CDH20: variants seen among roughly 807,000 people sequenced by gnomAD.
The protein encoded by CDH20 is cadherin-20.
Under a neutral mutation model 74.2 loss-of-function variants are expected in CDH20, and 29 were observed. The observed-to-expected ratio is 0.39, with a 90% CI of 0.29 to 0.53. The LOEUF is 0.53. CDH20 is among the 20% of genes least tolerant of loss of function. The probability of loss-of-function intolerance (pLI) is 0.69; values close to 1 mark genes in which losing one functional copy is unlikely to be tolerated. For synonymous variants in CDH20, 469 were observed against 405.4 expected (o/e 1.16, Z -1.88); for missense variants, 988 against 1,048.3 (o/e 0.94, Z 0.79).
chr18:61,498,442 T>C (rs1375556579), intron 2 of CDH20, among the ~76,000 whole-genome samples: 1 of 150,558 alleles, frequency 6.6e-6, no homozygotes, highest in Non-Finnish European at 1.5e-5. Context: ...AGAGCAAATA[T>C]AGCTGCATGG....
chr18:61,420,527 C>A (rs573144543), intron 1 of CDH20, among the ~76,000 whole-genome samples: 96 of 152,248 alleles, frequency 6.3e-4, no homozygotes, highest in African/African-American at 2.3e-3. Flanking sequence ...AAATTAGTAA[C>A]CTAAACACTA....
intron 1 of CDH20, among the ~76,000 whole-genome samples, chr18:61,409,448 G>C (rs1456933176): frequency 6.6e-6 from 1 of 152,048 alleles, no homozygotes; most frequent in Admixed American, 6.6e-5. Context: ...CCTTCGATGG[G>C]GACATTTGGA....
chr18:61,354,915 T>C (rs947667709), intron 1 of CDH20, among the ~76,000 whole-genome samples: 1 of 152,234 alleles, frequency 6.6e-6, no homozygotes, highest in African/African-American at 2.4e-5. Context: ...GGTGACTATA[T>C]AATTTGTCAT....
chr18:61,392,770 C>CT, intron 1 of CDH20, among the ~76,000 whole-genome samples: 1 of 139,452 alleles, frequency 7.2e-6, no homozygotes, highest in South Asian at 2.3e-4. Context: ...GCTATAAGAA[C>CT]TTTTTAATTA....
intron 6 of CDH20, among the ~76,000 whole-genome samples, chr18:61,517,338 G>T (rs1480612721): frequency 6.6e-6 from 1 of 152,216 alleles, no homozygotes; most frequent in Admixed American, 6.5e-5. Context: ...AGCTCCCAGT[G>T]AGATCAATGC....
chr18:61,363,152 T>G (rs1663549005), intron 1 of CDH20, among the ~76,000 whole-genome samples: 1 of 152,170 alleles, frequency 6.6e-6, no homozygotes, highest in South Asian at 2.1e-4. Context: ...AAGAAGATAT[T>G]TGATCTTCTC....
chr18:61,446,873 C>T (rs558696416), intron 1 of CDH20, among the ~76,000 whole-genome samples: 136 of 152,282 alleles, frequency 8.9e-4, no homozygotes, highest in African/African-American at 3.1e-3. Context: ...TGTAAACACA[C>T]GAGGATTGGT....
chr18:61,548,671 C>T (rs1913332395), intron 10 of CDH20, among the ~76,000 whole-genome samples: 1 of 152,230 alleles, frequency 6.6e-6, no homozygotes, highest in Non-Finnish European at 1.5e-5. Context: ...ATACAGCCTG[C>T]TGTGGGTCTG....
chr18:61,501,201 G>A (rs1053757031), intron 4 of CDH20, among the ~76,000 whole-genome samples: 2 of 152,234 alleles, frequency 1.3e-5, no homozygotes, highest in East Asian at 1.9e-4. Context: ...GGAGCAATGC[G>A]GCAGAAAAGA....
chr18:61,554,287 C>G lies in CDH20; in HGVS notation c.1998C>G (p.Asp666Glu), dbSNP rs768110003. Reference sequence around the variant, plus strand: ...TCCACGAGAACATCGTCCGCTACGACGACGAGGGCGGCGGCGAGGAGGACA... The same window carrying G: ...TCCACGAGAACATCGTCCGCTACGAGGACGAGGGCGGCGGCGAGGAGGACA... ...ENIHENIVRYDDEGGGEEDTE... is the reference protein window; with the variant it reads ...ENIHENIVRYEDEGGGEEDTE... Residue 666 changes from aspartate (D) to glutamate (E), a missense_variant, in exon 12 of 12, where the codon GAC becomes GAG. Around this residue, in one of 2 missense-constraint regions of CDH20, gnomAD observed 375 missense variants for 293.1 expected, o/e 1.28. Coordinates refer to ENST00000262717, the MANE Select transcript of CDH20 (RefSeq NM_031891.4). The G allele has an allele frequency of 6.2e-7, 1 of 1,613,850 alleles. No homozygotes were observed. Among genetic ancestry groups the G allele is most frequent in the Non-Finnish European group, 8.5e-7 (1 of 1,180,018 alleles).
chr18:61,466,007 C>G (rs1909948703), intron 1 of CDH20, among the ~76,000 whole-genome samples: 1 of 151,518 alleles, frequency 6.6e-6, no homozygotes, highest in Non-Finnish European at 1.5e-5. Flanking sequence ...CTGCAGTGAG[C>G]CATGATTGTG....
At chr18:61,496,658 G>C (rs771093525) in intron 2 of CDH20, among the ~76,000 whole-genome samples, 7 of 152,172 alleles carry the variant, frequency 4.6e-5, no homozygotes, top group Non-Finnish European at 1.0e-4. Flanking sequence ...GGCCTGCCGG[G>C]ATCACAGGTG....
At chr18:61,343,497 C>G (rs1329682335) in intron 1 of CDH20, among the ~76,000 whole-genome samples, 3 of 152,114 alleles carry the variant, frequency 2.0e-5, no homozygotes, top group East Asian at 3.9e-4. Context: ...ACCCAGGATG[C>G]AAATTCAGGC....
intron 1 of CDH20, among the ~76,000 whole-genome samples, chr18:61,428,413 T>C (rs1568135312): frequency 2.0e-5 from 3 of 152,178 alleles, no homozygotes; most frequent in Admixed American, 2.0e-4. Flanking sequence ...GGGCCATTTT[T>C]CTTCTCCTTT....
At chr18:61,349,283 G>A (rs546198650) in intron 1 of CDH20, among the ~76,000 whole-genome samples, 44 of 152,312 alleles carry the variant, frequency 2.9e-4, no homozygotes, top group Non-Finnish European at 5.7e-4. Flanking sequence ...GTGAATTTAA[G>A]CCCTAGAGAT....
At chr18:61,493,495 A>G (rs1911031667) in intron 2 of CDH20, among the ~76,000 whole-genome samples, 1 of 152,110 alleles carries the variant, frequency 6.6e-6, no homozygotes, top group African/African-American at 2.4e-5. Flanking sequence ...TCCCTCACTC[A>G]GCCCTCGTGC....
At chr18:61,508,771 G>A (rs1211022794) in intron 6 of CDH20, among the ~76,000 whole-genome samples, 2 of 152,218 alleles carry the variant, frequency 1.3e-5, no homozygotes, top group Admixed American at 6.5e-5. Flanking sequence ...CGAGTAGCTG[G>A]GACTACAGGG....
chr18:61,538,664 G>C (rs1912917970), intron 8 of CDH20, among the ~76,000 whole-genome samples: 1 of 132,328 alleles, frequency 7.6e-6, no homozygotes, highest in East Asian at 2.2e-4. Flanking sequence ...TTTTGCCCAG[G>C]CCGGACTGCA....
intron 5 of CDH20, among the ~76,000 whole-genome samples, chr18:61,505,732 C>T (rs1446260582): frequency 6.6e-6 from 1 of 152,170 alleles, no homozygotes; most frequent in Non-Finnish European, 1.5e-5. Context: ...AGAGTGGAAG[C>T]ATGGATTATG....
Sources: allele counts gnomAD v4.1 joint callset (sites outside exome capture counted in the v4.1 genomes callset), GRCh38; gene constraint gnomAD v4.1.1; regional missense constraint gnomAD v4.1.1; transcripts MANE v1.5; gene names NCBI Gene and HGNC (gene_info 2026-07-23, HGNC 2026-07-21).